NXPE2: variants seen among roughly 807,000 people sequenced by gnomAD.
NXPE2 encodes the protein neurexophilin and PC-esterase domain family member 2, also known as NXPE family member 2.
NXPE2 carries 34 observed loss-of-function variants against 34.4 expected under a neutral mutation model. The ratio of observed to expected loss-of-function variants is 0.99; its 90% confidence interval spans 0.75 to 1.31. NXPE2 has a LOEUF of 1.31. Among genes scored for constraint, NXPE2 ranks in the 40% most tolerant of loss-of-function variants. The probability of loss-of-function intolerance (pLI) is 0.00; values close to 1 mark genes in which losing one functional copy is unlikely to be tolerated. For synonymous variants in NXPE2, 235 were observed against 231.3 expected (o/e 1.02, Z -0.15); for missense variants, 649 against 672.5 (o/e 0.97, Z 0.39).
At chr11:114,708,302 AC>A (rs1951505084), downstream of NXPE2, among the ~76,000 whole-genome samples, 1 of 152,182 alleles carries the variant, frequency 6.6e-6, no homozygotes, top group Non-Finnish European at 1.5e-5. Flanking sequence ...ATGTTAACGT[AC>A]AGACCCCAAA....
At chr11:114,786,751 A>G in the NXPE2 span, among the ~76,000 whole-genome samples, 1 of 152,176 alleles carries the variant, frequency 6.6e-6, no homozygotes, top group East Asian at 1.9e-4. Context: ...CTGCCCTTCA[A>G]CCCACACCTA....
the NXPE2 span, among the ~76,000 whole-genome samples, chr11:114,741,566 T>A: frequency 6.6e-6 from 1 of 152,194 alleles, no homozygotes; most frequent in Non-Finnish European, 1.5e-5. Context: ...ATTCACAGAT[T>A]CTTTCTTTTG....
the NXPE2 span, chr11:114,530,482 C>T: frequency 1.2e-6 from 2 of 1,614,186 alleles, no homozygotes; most frequent in Non-Finnish European, 1.7e-6. Flanking sequence ...GACAGGGAGA[C>T]CTGGCCCTCC....
At chr11:114,578,704 CG>C in the NXPE2 span, among the ~76,000 whole-genome samples, 1 of 152,104 alleles carries the variant, frequency 6.6e-6, no homozygotes, top group Non-Finnish European at 1.5e-5. Context: ...AGCCAGGATC[CG>C]GGGTCATAGA....
the NXPE2 span, among the ~76,000 whole-genome samples, chr11:114,544,632 A>G: frequency 6.6e-6 from 1 of 152,162 alleles, no homozygotes; most frequent in African/African-American, 2.4e-5. Context: ...GGAAGAAAAC[A>G]CACATGAAAA....
At chr11:114,616,526 G>T in the NXPE2 span, among the ~76,000 whole-genome samples, 1,094 of 151,656 alleles carry the variant, frequency 7.2e-3, 11 homozygotes, top group Non-Finnish European at 0.012. Context: ...ATTGTCTGGT[G>T]GGTAACCATT....
the NXPE2 span, among the ~76,000 whole-genome samples, chr11:114,635,656 TGA>T: frequency 2.6e-5 from 4 of 152,030 alleles, no homozygotes; most frequent in African/African-American, 9.6e-5. Context: ...CCTAATTTAT[TGA>T]GAGTTTTTAG....
At chr11:114,699,225 C>T (rs1041328881) in intron 3 of NXPE2, among the ~76,000 whole-genome samples, 12 of 152,142 alleles carry the variant, frequency 7.9e-5, no homozygotes, top group African/African-American at 2.9e-4. Context: ...ATCTCCTGAA[C>T]CCAGCCATTT....
the NXPE2 span, among the ~76,000 whole-genome samples, chr11:114,713,326 A>T: frequency 6.6e-6 from 1 of 152,202 alleles, no homozygotes; most frequent in Non-Finnish European, 1.5e-5. Flanking sequence ...AGTAACTTTT[A>T]AAAACCCTCA....
At chr11:114,684,534 A>C (rs1565381403) in intron 2 of NXPE2, among the ~76,000 whole-genome samples, 1 of 152,208 alleles carries the variant, frequency 6.6e-6, no homozygotes, top group Non-Finnish European at 1.5e-5. Flanking sequence ...TAAAGCAAGA[A>C]GAAAAAGTTG....
chr11:114,477,805 A>G, the NXPE2 span, among the ~76,000 whole-genome samples: 3 of 152,052 alleles, frequency 2.0e-5, no homozygotes, highest in Admixed American at 2.0e-4. Context: ...GAACAATTCA[A>G]GTATTGTTAT....
the NXPE2 span, among the ~76,000 whole-genome samples, chr11:114,632,108 A>G: frequency 6.9e-6 from 1 of 144,780 alleles, no homozygotes; most frequent in Non-Finnish European, 1.5e-5. Flanking sequence ...AATGTAATAT[A>G]TAAATTATAT....
At chr11:114,577,240 G>A in the NXPE2 span, among the ~76,000 whole-genome samples, 1 of 150,118 alleles carries the variant, frequency 6.7e-6, no homozygotes, top group Non-Finnish European at 1.5e-5. Context: ...TGAAAGAATG[G>A]CATGTGCAGC....
At chr11:114,504,068 C>G in the NXPE2 span, among the ~76,000 whole-genome samples, 1 of 152,304 alleles carries the variant, frequency 6.6e-6, no homozygotes, top group East Asian at 1.9e-4. Flanking sequence ...CTGCAAGTTT[C>G]CCCCCTATAC....
At chr11:114,582,939 A>G in the NXPE2 span, 1 of 1,614,136 alleles carries the variant, frequency 6.2e-7, no homozygotes, top group Non-Finnish European at 8.5e-7. Flanking sequence ...CTTTAATGAT[A>G]TCAGTGGTGT....
At chr11:114,664,269 A>G in the NXPE2 span, among the ~76,000 whole-genome samples, 1 of 152,192 alleles carries the variant, frequency 6.6e-6, no homozygotes, top group Non-Finnish European at 1.5e-5. Context: ...AAAGGCTTAT[A>G]TAACATTCTG....
chr11:114,503,064 C>T, the NXPE2 span, among the ~76,000 whole-genome samples: 4 of 151,902 alleles, frequency 2.6e-5, no homozygotes, highest in African/African-American at 9.7e-5. Flanking sequence ...CTAGGAGCTG[C>T]ACTCCTCAGA....
the NXPE2 span, among the ~76,000 whole-genome samples, chr11:114,662,167 ACAACCCCACCAT>A: frequency 3.3e-5 from 5 of 152,202 alleles, no homozygotes; most frequent in Admixed American, 6.5e-5. Flanking sequence ...AATTGCCAAC[ACAACCCCACCAT>A]CAACCCCCAG....
the NXPE2 span, among the ~76,000 whole-genome samples, chr11:114,751,830 G>A: frequency 6.6e-6 from 1 of 152,146 alleles, no homozygotes; most frequent in African/African-American, 2.4e-5. Context: ...GTAATCATGA[G>A]GGTCTTTACA....
Sources: allele counts gnomAD v4.1 joint callset (sites outside exome capture counted in the v4.1 genomes callset), GRCh38; gene constraint gnomAD v4.1.1; transcripts MANE v1.5; gene names NCBI Gene and HGNC (gene_info 2026-07-23, HGNC 2026-07-21).